The following RFTN1 variants were observed in gnomAD, a reference collection of about 807,000 sequenced individuals.
The protein encoded by RFTN1 is raftlin, lipid raft linker 1.
A neutral mutation model predicts 46.5 loss-of-function variants in RFTN1; 26 were observed. The observed-to-expected ratio is 0.56, with a 90% confidence interval of 0.41 to 0.78. RFTN1 has a LOEUF of 0.78. RFTN1 is among the 30% of genes least tolerant of loss of function. The pLI is 0.00. For missense variants in RFTN1, 693 were observed against 718.7 expected (o/e 0.96, Z 0.41); for synonymous variants, 261 against 284.2 (o/e 0.92, Z 0.82).
At chr3:16,464,452 T>A (rs751076631) in intron 2 of RFTN1, among the ~76,000 whole-genome samples, 20 of 152,254 alleles carry the variant, frequency 1.3e-4, no homozygotes, top group Non-Finnish European at 2.5e-4. Flanking sequence ...ATAGTTTTTG[T>A]TGTTCTTCTT....
At chr3:16,502,408 GA>G (rs369706480) in intron 1 of RFTN1, among the ~76,000 whole-genome samples, 52 of 151,206 alleles carry the variant, frequency 3.4e-4, no homozygotes, top group Non-Finnish European at 6.8e-4. Context: ...AAGAAAGAAA[GA>G]AAAGAAAAGA....
rs2075974376 is a variant in RFTN1, at chr3:16,459,652, A to G, written c.146-25615T>C. On this transcript the variant is annotated intron_variant, in intron 2 of 9. Transcript: ENST00000334133. This position sits in a 1 kb window ranked among gnomAD's most constrained non-coding sequence, Gnocchi z 4.2. Reference sequence around the variant, plus strand: ...AATTACAAATAAAACTCAACTCTACATTCAAAATTTTCTTAAAATTTTTCT... The same window carrying G: ...AATTACAAATAAAACTCAACTCTACGTTCAAAATTTTCTTAAAATTTTTCT... Among the ~76,000 whole-genome samples the G allele has an allele frequency of 6.6e-6, 1 of 152,136 alleles. No individual in the cohort carries two copies. Among genetic ancestry groups the G allele is most frequent in the Non-Finnish European group, 1.5e-5 (1 of 68,012 alleles).
rs1337065903 is a variant in RFTN1 at position 16,458,104 on chromosome 3, AT to A, written c.146-24068del. On this transcript the variant is annotated intron_variant, in intron 2 of 9. Coordinates refer to ENST00000334133, the MANE Select transcript of RFTN1 (RefSeq NM_015150.2). The surrounding 1 kb of genome is among the most constrained non-coding windows in gnomAD (Gnocchi z 5.1). ...CCTCCAGAACTGTGAGCAAAAAAAA[AT>A]CTTTGTTCTTTATAAACTACCCAGT... 1.3e-5 allele frequency among the ~76,000 whole-genome samples: 2 copies of A among 152,168 alleles called. No individual in the cohort carries two copies. The highest frequency in any genetic ancestry group is 2.4e-5 in the African/African-American group (1 of 41,440).
chr3:16,411,568 CT>C (rs1166928349), intron 3 of RFTN1, among the ~76,000 whole-genome samples: 1 of 152,148 alleles, frequency 6.6e-6, no homozygotes, highest in African/African-American at 2.4e-5. Context: ...GAACCCTAAC[CT>C]TTTTGCCTTA....
rs1231593547 is a variant in RFTN1 at position 16,433,221 on chromosome 3, C to T, written c.332+630G>A. On this transcript the variant is annotated intron_variant, in intron 3 of 9. Coordinates refer to ENST00000334133, the MANE Select transcript of RFTN1 (RefSeq NM_015150.2). This position sits in a 1 kb window ranked among gnomAD's most constrained non-coding sequence, Gnocchi z 4.4. Reference sequence around the variant, plus strand: ...ATATTGTTCCTTTTGAAAGACTAACCCCACTTCTCTTTTCTTAATTAGGCT... The same window carrying T: ...ATATTGTTCCTTTTGAAAGACTAACTCCACTTCTCTTTTCTTAATTAGGCT... Among the ~76,000 whole-genome samples, 4 of 151,394 alleles carry T rather than the reference C, an allele frequency of 2.6e-5. No individual in the cohort carries two copies. The highest frequency in any genetic ancestry group is 9.7e-5 in the African/African-American group (4 of 41,102).
chr3:16,395,249 AT>A (rs2074440283), intron 4 of RFTN1, among the ~76,000 whole-genome samples: 1 of 152,232 alleles, frequency 6.6e-6, no homozygotes, highest in Non-Finnish European at 1.5e-5. Flanking sequence ...TATATGCCTT[AT>A]ATTGCTCTGT....
In RFTN1 at chr3:16,352,218, C is replaced by T. The variant is rs771109051; in HGVS notation, c.1146+5714G>A. 1.3e-5 allele frequency among the ~76,000 whole-genome samples: 2 copies of T among 152,158 alleles called. No individual in the cohort carries two copies. Among genetic ancestry groups the T allele is most frequent in the South Asian group, 2.1e-4 (1 of 4,824 alleles). The stretch of plus-strand genomic sequence containing the variant: ...TGTTCCATTCTGGCACCAAATTTCA[C>T]GATAAGCACTGATATGCTAGAACAT... On this transcript the variant is annotated intron_variant, in intron 7 of 9. Coordinates refer to ENST00000334133, the MANE Select transcript of RFTN1 (RefSeq NM_015150.2). This position sits in a 1 kb window ranked among gnomAD's most constrained non-coding sequence, Gnocchi z 4.6.
intron 4 of RFTN1, among the ~76,000 whole-genome samples, chr3:16,408,863 G>T (rs62236341): frequency 6.8e-6 from 1 of 147,668 alleles, no homozygotes; most frequent in Non-Finnish European, 1.5e-5. Context: ...TGTAGTAAAT[G>T]TCATATTAAA....
chr3:16,339,126 G>A (rs1575049983), intron 7 of RFTN1, among the ~76,000 whole-genome samples: 1 of 152,186 alleles, frequency 6.6e-6, no homozygotes, highest in Admixed American at 6.5e-5. Context: ...AAGGGATTGG[G>A]TAAGACATGG....
chr3:16,372,466 A>G (rs898280312), intron 5 of RFTN1, among the ~76,000 whole-genome samples: 2 of 152,164 alleles, frequency 1.3e-5, no homozygotes, highest in African/African-American at 4.8e-5. Flanking sequence ...GGTGACCCCA[A>G]CATGGGCCAT....
At chr3:16,456,352 C>A (rs1182427055) in intron 2 of RFTN1, among the ~76,000 whole-genome samples, 1 of 152,042 alleles carries the variant, frequency 6.6e-6, no homozygotes, top group Non-Finnish European at 1.5e-5. Context: ...GAAAGTATAC[C>A]CCTCTTTTTA....
rs1172320083 is a variant in RFTN1 at position 16,466,862 on chromosome 3, C to A, written c.145+26863G>T. Among the ~76,000 whole-genome samples, 1 of 152,120 alleles carries A rather than the reference C, an allele frequency of 6.6e-6. No individual in the cohort carries two copies. The highest frequency in any genetic ancestry group is 2.4e-5 in the African/African-American group (1 of 41,410). On this transcript the variant is annotated intron_variant, in intron 2 of 9. Transcript: ENST00000334133. The surrounding 1 kb of genome is among the most constrained non-coding windows in gnomAD (Gnocchi z 5.6). ...GTCCATCTTTCTAGACAGTGAGTAT[C>A]TAATACAAGTCAAGACACAGTAATT... is the stretch of plus-strand genomic sequence containing the variant.
In RFTN1 at chr3:16,440,931, G is replaced by A. The variant is rs993458844; in HGVS notation, c.146-6894C>T. On this transcript the variant is annotated intron_variant, in intron 2 of 9. Transcript: ENST00000334133. This position sits in a 1 kb window ranked among gnomAD's most constrained non-coding sequence, Gnocchi z 4.6. Reference sequence around the variant, plus strand: ...CTGTCCAGGCGCAGTGTGAGCATCAGTCATACATGGAGGAGGATGTCATTC... The same window carrying A: ...CTGTCCAGGCGCAGTGTGAGCATCAATCATACATGGAGGAGGATGTCATTC... 6.6e-6 allele frequency among the ~76,000 whole-genome samples: 1 copy of A among 152,148 alleles called. No homozygotes were observed. Among genetic ancestry groups the A allele is most frequent in the African/African-American group, 2.4e-5 (1 of 41,436 alleles).
At position 16,410,212 on chromosome 3, in the gene RFTN1, TACACACACACACACACAC is replaced by T. The variant is rs66657696; in HGVS notation, c.333-747_333-730del. ...TTGGTACAATACAGCTTACATGTTA[TACACACACACACACACAC>T]ACACACACACACACACACACACACA... On this transcript the variant is annotated intron_variant, in intron 3 of 9. Transcript: ENST00000334133. This position sits in a 1 kb window ranked among gnomAD's most constrained non-coding sequence, Gnocchi z 4.6. Among the ~76,000 whole-genome samples, 1,192 of 141,314 alleles carry T rather than the reference TACACACACACACACACAC, an allele frequency of 8.4e-3. 11 individuals carry two copies. Among genetic ancestry groups the T allele is most frequent in the African/African-American group, 0.027 (998 of 37,176 alleles). 92.7% of individuals were successfully genotyped at this position (141,314 alleles called of 152,430 possible).
chr3:16,508,899 G>A (rs1382240697), intron 1 of RFTN1, among the ~76,000 whole-genome samples: 1 of 152,146 alleles, frequency 6.6e-6, no homozygotes, highest in African/African-American at 2.4e-5. Flanking sequence ...ACTACTATCT[G>A]TGCTATCCAA....
At chr3:16,430,561 C>A (rs2075365677) in intron 3 of RFTN1, among the ~76,000 whole-genome samples, 1 of 152,206 alleles carries the variant, frequency 6.6e-6, no homozygotes, top group African/African-American at 2.4e-5. Flanking sequence ...TCCACCACTC[C>A]TCCCACCTAA....
intron 1 of RFTN1, among the ~76,000 whole-genome samples, chr3:16,495,025 C>G (rs184945157): frequency 6.6e-6 from 1 of 151,964 alleles, no homozygotes. Flanking sequence ...GGGCATGGGG[C>G]GGGTGGAGTG....
chr3:16,422,905 G>A lies in RFTN1; in HGVS notation c.332+10946C>T, dbSNP rs533540366. On this transcript the variant is annotated intron_variant, in intron 3 of 9. Transcript: ENST00000334133. This position sits in a 1 kb window ranked among gnomAD's most constrained non-coding sequence, Gnocchi z 4.6. ...CTCCTGGCTGGGTGCAGTGGCTCAC[G>A]CCTGTAATCCCAGCACTTTGGGAGG... Among the ~76,000 whole-genome samples, 1 of 152,022 alleles carries A rather than the reference G, an allele frequency of 6.6e-6. No individual in the cohort carries two copies. The highest frequency in any genetic ancestry group is 2.4e-5 in the African/African-American group (1 of 41,380).
At chr3:16,416,164 C>G in intron 3 of RFTN1, 1 of 455,702 alleles carries the variant, frequency 2.2e-6, no homozygotes. Flanking sequence ...AAGGAATTTT[C>G]TGAAAGGAGT....
Sources: allele counts gnomAD v4.1 joint callset (sites outside exome capture counted in the v4.1 genomes callset), GRCh38; gene constraint gnomAD v4.1.1; non-coding constraint Gnocchi (gnomAD v3.1); transcripts MANE v1.5; gene names NCBI Gene and HGNC (gene_info 2026-07-23, HGNC 2026-07-21).